Variants in CLIP1 observed in about 807,000 individuals in gnomAD.
CLIP1 encodes the protein CAP-Gly domain containing linker protein 1.
In CLIP1, 66 loss-of-function variants were observed where a neutral mutation model predicts 161.6. The ratio of observed to expected loss-of-function variants is 0.41; its 90% CI spans 0.33 to 0.50. The LOEUF is 0.50. CLIP1 is among the 20% of genes least tolerant of loss of function. The pLI, the probability that CLIP1 is intolerant of heterozygous loss-of-function variation, is 0.27. For synonymous variants in CLIP1, 598 were observed against 626.2 expected, an observed-to-expected ratio of 0.96 and a Z score of 0.67; for missense variants, 1,376 against 1,702.0, an observed-to-expected ratio of 0.81 and a Z score of 3.37.
At chr12:122,276,605 T>A in intron 24 of CLIP1, 4 of 598,528 alleles carry the variant, frequency 6.7e-6, no homozygotes, top group Non-Finnish European at 9.6e-6. Context: ...TTTGTGCCCC[T>A]CAAAGGAGGT....
intron 1 of CLIP1, among the ~76,000 whole-genome samples, chr12:122,412,912 C>T (rs1956595633): frequency 6.6e-6 from 1 of 152,084 alleles, no homozygotes; most frequent in Admixed American, 6.6e-5. Context: ...TTTCTAAAAT[C>T]TAAACTTGAC....
rs1432139097 is a variant in CLIP1 at position 122,271,936 on chromosome 12, G to T, written c.*939C>A. The stretch of plus-strand genomic sequence containing the variant: ...CTGCTGGGGATACCTGCCAGAGAAG[G>T]AAAAAAAAATTGGAGAAAATTCCTC... On this transcript the variant is annotated 3_prime_UTR_variant, in exon 26 of 26. Transcript: ENST00000620786. 1 of 150,738 alleles carries T rather than the reference G, an allele frequency of 6.6e-6. No homozygotes were observed. The highest frequency in any genetic ancestry group is 2.4e-5 in the African/African-American group (1 of 40,990). The allele number at this position is 150,738 out of a possible 1,614,324, so 9.3% of individuals were successfully genotyped here. A position where few individuals can be genotyped will look rare whatever the true frequency, so the allele number is the denominator to read the frequency against.
chr12:122,357,565 T>G (rs1234853269), intron 5 of CLIP1, among the ~76,000 whole-genome samples: 12 of 41,934 alleles, frequency 2.9e-4, no homozygotes, highest in Admixed American at 4.1e-4. Context: ...GTGGGGGGGG[T>G]CAGCCCCCCC....
At chr12:122,307,088 T>TA (rs1950905490) in intron 20 of CLIP1, among the ~76,000 whole-genome samples, 1 of 145,356 alleles carries the variant, frequency 6.9e-6, no homozygotes, top group Non-Finnish European at 1.5e-5. Context: ...CGGCTCACTG[T>TA]AACCTCCACC....
intron 3 of CLIP1, among the ~76,000 whole-genome samples, chr12:122,373,137 A>T (rs1954536134): frequency 6.6e-6 from 1 of 152,190 alleles, no homozygotes; most frequent in African/African-American, 2.4e-5. Context: ...TAAAAAAGTT[A>T]ATAAGGGCCG....
chr12:122,377,304 A>C (rs1451860607), intron 3 of CLIP1, 85 bp downstream of exon 3: 21 of 1,290,768 alleles, frequency 1.6e-5, no homozygotes, highest in East Asian at 1.4e-4. Flanking sequence ...CACCGCGCCC[A>C]GCCCTGATGT....
intron 19 of CLIP1, among the ~76,000 whole-genome samples, chr12:122,312,757 C>T (rs948262170): frequency 6.6e-6 from 1 of 151,850 alleles, no homozygotes; most frequent in Non-Finnish European, 1.5e-5. Context: ...AGAGTGACAC[C>T]CTGTCTCAAA....
intron 17 of CLIP1, among the ~76,000 whole-genome samples, chr12:122,321,502 C>T (rs1425289332): frequency 1.3e-5 from 2 of 149,996 alleles, no homozygotes; most frequent in East Asian, 3.9e-4. Context: ...TGCCTCAGCC[C>T]CCGTGAGCCA....
Position 122,328,707 on chromosome 12 carries a change from C to T in CLIP1, c.2868-281G>A, listed in dbSNP as rs1450167602. ...TCATGCCATTCTGCCTCAGCCTCCC[C>T]AGTAGCTGGGACTACAGGCACCTGC... On this transcript the variant is annotated intron_variant, in intron 15 of 25. Transcript: ENST00000620786. Among the ~76,000 whole-genome samples the T allele has an allele frequency of 2.0e-5, 3 of 152,080 alleles. No individual in the cohort carries two copies. In the East Asian group the frequency reaches 5.8e-4, roughly 29 times the overall value.
At chr12:122,276,795 C>A in intron 24 of CLIP1, 1 of 192,496 alleles carries the variant, frequency 5.2e-6, no homozygotes, top group Middle Eastern at 2.4e-3. Flanking sequence ...TTTATATAAT[C>A]CCTTTTTACA....
Position 122,361,100 on chromosome 12 carries a change from T to C in CLIP1, c.864A>G (p.Pro288=). The C allele has an allele frequency of 6.2e-7, 1 of 1,614,256 alleles. No homozygotes were observed. Among genetic ancestry groups the C allele is most frequent in the Non-Finnish European group, 8.5e-7 (1 of 1,180,050 alleles). Residue 288 remains proline (P), a synonymous_variant, in exon 5 of 26, where the codon CCA becomes CCG. Transcript: ENST00000620786. The stretch of plus-strand genomic sequence containing the variant: ...TCACTGCGTTGGCCTTGGCTTTGGC[T>C]GGTGTAGTGGAAGGGAAGCCAATCT... ...VTKIGFPSTT[P]AKAKANAVRR... is the part of the protein sequence containing the mutation.
In CLIP1 at chr12:122,279,257, T is replaced by A; in HGVS notation, c.3648-112A>T. The stretch of plus-strand genomic sequence containing the variant: ...GTTAGTTAATGTAAAAAAAAAAATA[T>A]AACAGGGAAGTTTTATAGGGAGTTA... On this transcript the variant is annotated intron_variant, in intron 21 of 25. Transcript: ENST00000620786. This position sits in a 1 kb window ranked among gnomAD's most constrained non-coding sequence, Gnocchi z 4.5. 5 of 701,628 alleles carry A rather than the reference T, an allele frequency of 7.1e-6. No homozygotes were observed. The highest frequency in any genetic ancestry group is 1.1e-5 in the Non-Finnish European group (5 of 440,128). The allele number at this position is 701,628 out of a possible 1,614,324, so 43.5% of individuals were successfully genotyped here. A position where few individuals can be genotyped will look rare whatever the true frequency, so the allele number is the denominator to read the frequency against.
chr12:122,358,436 TAA>T (rs1189999010), intron 5 of CLIP1, among the ~76,000 whole-genome samples: 2 of 94,842 alleles, frequency 2.1e-5, no homozygotes, highest in Admixed American at 1.2e-4. Context: ...AATGAACAAT[TAA>T]AAAAAAAAAA....
intron 20 of CLIP1, among the ~76,000 whole-genome samples, chr12:122,304,642 T>C (rs1950801611): frequency 6.6e-6 from 1 of 152,256 alleles, no homozygotes; most frequent in Non-Finnish European, 1.5e-5. Context: ...ATTACAGGCG[T>C]GAGCCTCCAC....
intron 1 of CLIP1, among the ~76,000 whole-genome samples, chr12:122,390,870 C>T (rs1003278923): frequency 1.3e-5 from 2 of 152,016 alleles, no homozygotes; most frequent in African/African-American, 4.8e-5. Flanking sequence ...TACTGCTTTG[C>T]TTGTACTCCC....
intron 23 of CLIP1, 37 bp downstream of exon 23, chr12:122,278,755 G>T: frequency 6.5e-7 from 1 of 1,536,390 alleles, no homozygotes; most frequent in South Asian, 1.3e-5. Context: ...GGGAGGACGC[G>T]GGGTGTACAG....
intron 5 of CLIP1, chr12:122,360,668 A>T (rs1426560074): frequency 7.6e-6 from 2 of 263,058 alleles, no homozygotes; most frequent in Non-Finnish European, 1.4e-5. Flanking sequence ...AAATAATTTG[A>T]CCCCTGTGTT....
intron 20 of CLIP1, among the ~76,000 whole-genome samples, chr12:122,294,788 G>T (rs55778375): frequency 6.6e-6 from 1 of 151,000 alleles, no homozygotes; most frequent in Non-Finnish European, 1.5e-5. Context: ...AGTGCCTCAC[G>T]TCTGTAATCT....
intron 3 of CLIP1, chr12:122,365,320 A>G: frequency 1.1e-6 from 1 of 900,402 alleles, no homozygotes; most frequent in Non-Finnish European, 1.8e-6. Context: ...ATGCCCCACA[A>G]GTGTTACCAT....
Sources: allele counts gnomAD v4.1 joint callset (sites outside exome capture counted in the v4.1 genomes callset), GRCh38; gene constraint gnomAD v4.1.1; non-coding constraint Gnocchi (gnomAD v3.1); transcripts MANE v1.5; gene names NCBI Gene and HGNC (gene_info 2026-07-23, HGNC 2026-07-21).